The following TSPAN5 variants were observed in gnomAD, a reference collection of about 807,000 sequenced individuals.
The protein encoded by TSPAN5 is tetraspanin 5.
A neutral mutation model predicts 37.1 loss-of-function variants in TSPAN5; 10 were observed. That is an observed-to-expected ratio of 0.27 (90% CI 0.17 to 0.46). TSPAN5 has a LOEUF of 0.46. Among genes scored for constraint, TSPAN5 ranks in the 20% least tolerant of loss-of-function variants. The probability of loss-of-function intolerance (pLI) is 1.00; values close to 1 mark genes in which losing one functional copy is unlikely to be tolerated. For synonymous variants in TSPAN5, 110 were observed against 118.9 expected, an observed-to-expected ratio of 0.93 and a Z score of 0.48; for missense variants, 195 against 326.6, an observed-to-expected ratio of 0.60 and a Z score of 3.11.
At chr4:98,536,129 C>T (rs1754227797) in intron 1 of TSPAN5, among the ~76,000 whole-genome samples, 1 of 152,150 alleles carries the variant, frequency 6.6e-6, no homozygotes, top group African/African-American at 2.4e-5. Context: ...TTGGTATTTT[C>T]AGCCTTTTTC....
At chr4:98,609,895 G>C (rs956610030) in intron 1 of TSPAN5, among the ~76,000 whole-genome samples, 4 of 152,140 alleles carry the variant, frequency 2.6e-5, no homozygotes, top group African/African-American at 9.7e-5. Context: ...TAAGTCAGAG[G>C]CTGCCTGACT....
chr4:98,497,316 CAAAA>C (rs398051229), intron 2 of TSPAN5, among the ~76,000 whole-genome samples: 15 of 101,844 alleles, frequency 1.5e-4, no homozygotes, highest in African/African-American at 3.2e-4. Flanking sequence ...GACTCCATCT[CAAAA>C]AAAAAAAAAA....
intron 1 of TSPAN5, among the ~76,000 whole-genome samples, chr4:98,587,548 C>T (rs564233182): frequency 4.6e-5 from 7 of 152,248 alleles, no homozygotes; most frequent in Non-Finnish European, 8.8e-5. Flanking sequence ...ACAGAAACTC[C>T]GCCCATCCAT....
rs35433252 is a variant in TSPAN5, at chr4:98,575,771, C to CA, written c.82-68044dup. On this transcript the variant is annotated intron_variant, in intron 1 of 7. Coordinates refer to ENST00000305798, the MANE Select transcript of TSPAN5 (RefSeq NM_005723.4). ...CCATCCATCTGCGCCCCCCACCCCA[C>CA]AAAAAAAAAAAAAAAAGTGGCTGGG... Among the ~76,000 whole-genome samples, 186 of 141,904 alleles carry CA rather than the reference C, an allele frequency of 1.3e-3. 1 individual carries two copies. The highest frequency in any genetic ancestry group is 3.0e-3 in the African/African-American group (115 of 38,356). The allele number at this position is 141,904 out of a possible 152,430, so 93.1% of individuals were successfully genotyped here. A position where few individuals can be genotyped will look rare whatever the true frequency, so the allele number is the denominator to read the frequency against.
chr4:98,570,055 CAA>C lies in TSPAN5; in HGVS notation c.82-62329_82-62328del, dbSNP rs201070180. On this transcript the variant is annotated intron_variant, in intron 1 of 7. Coordinates refer to ENST00000305798, the MANE Select transcript of TSPAN5 (RefSeq NM_005723.4). ...AGGGAACATCTAAAATAATGAACAC[CAA>C]GAGAGAGAGAACAAAACTTTTTCAG... Among the ~76,000 whole-genome samples, 747 of 152,010 alleles carry C rather than the reference CAA, an allele frequency of 4.9e-3. 4 individuals carry two copies. The highest frequency in any genetic ancestry group is 0.017 in the Middle Eastern group (5 of 294).
intron 1 of TSPAN5, among the ~76,000 whole-genome samples, chr4:98,623,646 G>C (rs533275626): frequency 4.0e-4 from 61 of 152,270 alleles, no homozygotes; most frequent in African/African-American, 1.3e-3. Context: ...AAGGACTCTT[G>C]GGATTAAATA....
rs926862794 is a variant in TSPAN5, at chr4:98,478,804, A to G, written c.457T>C (p.Cys153Arg). Reference protein sequence around the residue: ...LIDFTQEYWQCCGAFGADDWN... With the variant: ...LIDFTQEYWQRCGAFGADDWN... ...TCATCAGCTCCAAAAGCCCCACAGC[A>G]CTGCCACTAGAGCAAACAGGAAAGA... Residue 153 changes from cysteine to arginine, a missense_variant, in exon 5 of 8, where the codon TGC becomes CGC. Coordinates refer to ENST00000305798, the MANE Select transcript of TSPAN5 (RefSeq NM_005723.4). 1 of 1,613,866 alleles carries G rather than the reference A, an allele frequency of 6.2e-7. No homozygotes were observed. Among genetic ancestry groups the G allele is most frequent in the Admixed American group, 1.7e-5 (1 of 60,028 alleles).
intron 2 of TSPAN5, among the ~76,000 whole-genome samples, chr4:98,505,411 G>A (rs567556378): frequency 6.6e-6 from 1 of 152,202 alleles, no homozygotes; most frequent in South Asian, 2.1e-4. Context: ...GTTCCCTGGA[G>A]TCACCAAAGT....
chr4:98,620,858 G>A (rs1579036032), intron 1 of TSPAN5, among the ~76,000 whole-genome samples: 1 of 152,122 alleles, frequency 6.6e-6, no homozygotes, highest in Non-Finnish European at 1.5e-5. Flanking sequence ...TCCCTGGAGG[G>A]GTTGTCTATA....
intron 2 of TSPAN5, among the ~76,000 whole-genome samples, chr4:98,502,856 A>G (rs139020024): frequency 3.3e-5 from 5 of 151,506 alleles, no homozygotes; most frequent in Non-Finnish European, 4.4e-5. Flanking sequence ...GCTTTTATCA[A>G]TGATAACTAA....
chr4:98,508,173 A>G (rs1314844926), intron 1 of TSPAN5, among the ~76,000 whole-genome samples: 1 of 152,208 alleles, frequency 6.6e-6, no homozygotes, highest in Non-Finnish European at 1.5e-5. Context: ...AGGGGCATGT[A>G]GAGCCTTGGA....
At chr4:98,500,502 C>A (rs1204037440) in intron 2 of TSPAN5, among the ~76,000 whole-genome samples, 3 of 152,138 alleles carry the variant, frequency 2.0e-5, no homozygotes, top group Non-Finnish European at 4.4e-5. Context: ...GAGAACCCAG[C>A]GTAGTGAGTG....
intron 1 of TSPAN5, among the ~76,000 whole-genome samples, chr4:98,517,908 C>T (rs1388868739): frequency 6.6e-6 from 1 of 152,154 alleles, no homozygotes; most frequent in East Asian, 1.9e-4. Context: ...CTGAGAAAGA[C>T]TGAGGAATAA....
chr4:98,492,319 C>T (rs1200632366), intron 2 of TSPAN5, among the ~76,000 whole-genome samples: 5 of 152,116 alleles, frequency 3.3e-5, no homozygotes, highest in Admixed American at 1.3e-4. Context: ...CAGAAAACCG[C>T]GCTCAAGAAG....
chr4:98,570,195 T>C (rs1446960446), intron 1 of TSPAN5, among the ~76,000 whole-genome samples: 1 of 152,236 alleles, frequency 6.6e-6, no homozygotes, highest in African/African-American at 2.4e-5. Context: ...AAATCCTATC[T>C]AATTTTACTT....
chr4:98,537,134 A>C (rs1428210859), intron 1 of TSPAN5, among the ~76,000 whole-genome samples: 1 of 152,194 alleles, frequency 6.6e-6, no homozygotes, highest in African/African-American at 2.4e-5. Flanking sequence ...TGGGGTGGGC[A>C]CCGGAGGGAA....
chr4:98,566,449 G>T (rs1001225123), intron 1 of TSPAN5, among the ~76,000 whole-genome samples: 11 of 152,202 alleles, frequency 7.2e-5, no homozygotes, highest in Admixed American at 4.6e-4. Context: ...AAAGATGGCA[G>T]TGGGGATGTA....
intron 1 of TSPAN5, among the ~76,000 whole-genome samples, chr4:98,647,539 A>T (rs1322383292): frequency 6.6e-6 from 1 of 152,234 alleles, no homozygotes; most frequent in African/African-American, 2.4e-5. Context: ...AGTGTAATTT[A>T]GAAAAATTTT....
At chr4:98,499,181 T>C (rs1462761467) in intron 2 of TSPAN5, among the ~76,000 whole-genome samples, 1 of 152,178 alleles carries the variant, frequency 6.6e-6, no homozygotes, top group East Asian at 1.9e-4. Context: ...TTCTCCTCTT[T>C]AACTTCCACC....
Sources: allele counts gnomAD v4.1 joint callset (sites outside exome capture counted in the v4.1 genomes callset), GRCh38; gene constraint gnomAD v4.1.1; transcripts MANE v1.5; gene names NCBI Gene and HGNC (gene_info 2026-07-23, HGNC 2026-07-21).